OR10S1: variants seen among roughly 807,000 people sequenced by gnomAD.
OR10S1 encodes the protein olfactory receptor 10S1.
For missense variants in OR10S1, 415 were observed against 407.9 expected, an observed-to-expected ratio of 1.02 and a Z score of -0.15; for synonymous variants, 167 against 164.1, an observed-to-expected ratio of 1.02 and a Z score of -0.13.
At chr11:123,976,746 G>T in exon 1 of OR10S1, 2 of 1,614,130 alleles carry the variant, frequency 1.2e-6, no homozygotes, top group Non-Finnish European at 1.7e-6. Flanking sequence ...CTGCACAAAA[G>T]CCTTTGCAGA....
exon 1 of OR10S1, chr11:123,977,303 G>T (rs779744001): frequency 6.2e-7 from 1 of 1,614,186 alleles, no homozygotes; most frequent in Non-Finnish European, 8.5e-7. Context: ...GGCCATGACT[G>T]TGTACAGGAA....
At chr11:123,977,709 T>C (rs763986055) in exon 1 of OR10S1, 56 of 1,589,704 alleles carry the variant, frequency 3.5e-5, no homozygotes, top group Non-Finnish European at 4.7e-5. Flanking sequence ...GCAACAAAAC[T>C]GACATTAATG....
exon 1 of OR10S1, chr11:123,976,981 T>C (rs563002028): frequency 2.5e-6 from 4 of 1,614,004 alleles, no homozygotes; most frequent in Admixed American, 3.3e-5. Context: ...GCAACACAGC[T>C]GCCACGATGA....
At chr11:123,976,929 A>T in exon 1 of OR10S1, 3 of 1,613,992 alleles carry the variant, frequency 1.9e-6, no homozygotes, top group Non-Finnish European at 2.5e-6. Context: ...TGGGCAGTGC[A>T]GGGGGAGAAG....
chr11:123,976,942 C>A (rs1390546383), exon 1 of OR10S1: 3 of 1,613,922 alleles, frequency 1.9e-6, no homozygotes, highest in Non-Finnish European at 2.5e-6. Context: ...GGGAGAAGGC[C>A]CGCTGCCGGC....
exon 1 of OR10S1, chr11:123,976,950 G>T (rs776243358): frequency 6.2e-7 from 1 of 1,613,966 alleles, no homozygotes; most frequent in South Asian, 1.1e-5. Context: ...GCCCGCTGCC[G>T]GCCCTGGGCT....
exon 1 of OR10S1, chr11:123,976,794 A>G (rs548287027): frequency 6.2e-7 from 1 of 1,614,176 alleles, no homozygotes; most frequent in South Asian, 1.1e-5. Context: ...GTGTAAATGA[A>G]TGGGTTGAGC....
chr11:123,976,715 G>A (rs1325687476), exon 1 of OR10S1: 1 of 1,611,878 alleles, frequency 6.2e-7, no homozygotes, highest in Admixed American at 1.7e-5. Context: ...TGGGCTGCCT[G>A]CTGTAGACTC....
exon 1 of OR10S1, chr11:123,976,861 G>T: frequency 6.2e-7 from 1 of 1,614,204 alleles, no homozygotes; most frequent in Non-Finnish European, 8.5e-7. Context: ...CCTCACTGGA[G>T]CGAGGCTGCA....
At chr11:123,977,607 C>A (rs867042545) in exon 1 of OR10S1, 1 of 1,610,052 alleles carries the variant, frequency 6.2e-7, no homozygotes, top group Non-Finnish European at 8.5e-7. Flanking sequence ...TACCTCAAAC[C>A]CTCCAGGAAG....
exon 1 of OR10S1, chr11:123,977,589 T>C (rs1374732389): frequency 6.2e-7 from 1 of 1,612,428 alleles, no homozygotes; most frequent in East Asian, 2.2e-5. Flanking sequence ...CTAGAATGTT[T>C]AGCGGTGTAC....
At chr11:123,977,035 G>GATGCCA in exon 1 of OR10S1, 1 of 1,614,200 alleles carries the variant, frequency 6.2e-7, no homozygotes, top group South Asian at 1.1e-5. Flanking sequence ...CTGCAGCCAC[G>GATGCCA]ATGCCAATGC....
exon 1 of OR10S1, chr11:123,977,562 AGAG>A: frequency 6.2e-7 from 1 of 1,613,796 alleles, no homozygotes; most frequent in South Asian, 1.1e-5. Flanking sequence ...ATGAGGAGGA[AGAG>A]GAGGAAGAAG....
chr11:123,976,887 G>A (rs761498954), exon 1 of OR10S1: 15 of 1,614,156 alleles, frequency 9.3e-6, no homozygotes, highest in Non-Finnish European at 1.2e-5. Flanking sequence ...ATACAGACAG[G>A]TGGCACGTAG....
exon 1 of OR10S1, chr11:123,977,655 T>A (rs1178047986): frequency 2.5e-6 from 4 of 1,602,424 alleles, no homozygotes; most frequent in African/African-American, 1.3e-5. Flanking sequence ...TTCTCCGTTG[T>A]CATGGTCATC....
rs1863730172 is a variant in OR10S1 at position 123,977,321 on chromosome 11, GT to G, written c.343del (p.Thr115LeufsTer27). On this transcript the variant is annotated frameshift_variant, in exon 1 of 1. Transcript: ENST00000641123. LOFTEE classifies it low-confidence loss of function (END_TRUNC). The stretch of plus-strand genomic sequence containing the variant: ...CATGACTGTGTACAGGAAGCACTCA[GT>G]GCTGGCCAGAAAGTGGAAGCAATAA... 1 of 1,614,182 alleles carries G rather than the reference GT, an allele frequency of 6.2e-7. No homozygotes were observed. Among genetic ancestry groups the G allele is most frequent in the East Asian group, 2.2e-5 (1 of 44,876 alleles).
exon 1 of OR10S1, chr11:123,977,285 C>A (rs199683540): frequency 2.5e-6 from 4 of 1,614,120 alleles, no homozygotes; most frequent in East Asian, 4.5e-5. Flanking sequence ...AGCCAGATAG[C>A]GGTCATAGGC....
chr11:123,977,329 C>A, exon 1 of OR10S1: 8 of 1,614,128 alleles, frequency 5.0e-6, no homozygotes, highest in Non-Finnish European at 6.8e-6. Flanking sequence ...CAGTGCTGGC[C>A]AGAAAGTGGA....
chr11:123,977,776 T>C, exon 1 of OR10S1: 1 of 1,253,760 alleles, frequency 8.0e-7, no homozygotes, highest in African/African-American at 1.5e-5. Flanking sequence ...CCACACCACC[T>C]TGGTCTTACC....
Sources: allele counts gnomAD v4.1 joint callset, GRCh38; gene constraint gnomAD v4.1.1; transcripts MANE v1.5; gene names NCBI Gene and HGNC (gene_info 2026-07-23, HGNC 2026-07-21).